Variants in VAV3 observed in about 807,000 individuals in gnomAD.
VAV3 encodes guanine nucleotide exchange factor VAV3.
In VAV3, 94 loss-of-function variants were observed where a neutral mutation model predicts 131.2. That is an observed-to-expected ratio of 0.72 (90% CI 0.61 to 0.85). The LOEUF (loss-of-function observed/expected upper bound fraction) is 0.85, where lower values mean the gene tolerates loss of function less well. Ranked by LOEUF, VAV3 falls within the 40% of genes least tolerant of loss-of-function variation. VAV3 has a pLI of 0.00. For synonymous variants in VAV3, 349 were observed against 342.0 expected, an observed-to-expected ratio of 1.02 and a Z score of -0.22; for missense variants, 939 against 1,002.7, an observed-to-expected ratio of 0.94 and a Z score of 0.86.
intron 11 of VAV3, 109 bp from the exon 12 acceptor site, chr1:107,755,622 T>TG: frequency 5.4e-6 from 4 of 737,890 alleles, no homozygotes; most frequent in Non-Finnish European, 8.8e-6. Context: ...AAGTAACCAC[T>TG]GTAACTTTTC....
At chr1:107,847,467 A>C (rs576880706) in intron 2 of VAV3, among the ~76,000 whole-genome samples, 2 of 152,234 alleles carry the variant, frequency 1.3e-5, no homozygotes, top group Non-Finnish European at 2.9e-5. Context: ...CCCTTCAAAA[A>C]AATCAGTGAA....
intron 15 of VAV3, among the ~76,000 whole-genome samples, chr1:107,708,952 AC>A (rs1308804983): frequency 6.6e-6 from 1 of 150,772 alleles, no homozygotes; most frequent in Non-Finnish European, 1.5e-5. Context: ...ACACACACAT[AC>A]CCCCCCACAC....
chr1:107,705,417 C>T (rs373234437), intron 15 of VAV3, among the ~76,000 whole-genome samples: 179 of 150,848 alleles, frequency 1.2e-3, no homozygotes, highest in African/African-American at 3.8e-3. Flanking sequence ...TCTGTAGCCA[C>T]GCCACTGAAA....
intron 19 of VAV3, among the ~76,000 whole-genome samples, chr1:107,643,618 G>A (rs1655517099): frequency 6.6e-6 from 1 of 152,014 alleles, no homozygotes; most frequent in South Asian, 2.1e-4. Flanking sequence ...TAAGCTTCAG[G>A]ACTTTTTATT....
chr1:107,680,728 C>T (rs759218962), intron 19 of VAV3, among the ~76,000 whole-genome samples: 18 of 152,066 alleles, frequency 1.2e-4, no homozygotes, highest in Non-Finnish European at 1.9e-4. Context: ...TATTAGCTCA[C>T]GTAATGCTCA....
At chr1:107,760,756 A>AT in intron 10 of VAV3, 28 bp downstream of exon 10, 1 of 1,537,740 alleles carries the variant, frequency 6.5e-7, no homozygotes, top group Non-Finnish European at 9.0e-7. Context: ...ATAAATGGAC[A>AT]ATAAATAAAC....
intron 19 of VAV3, among the ~76,000 whole-genome samples, chr1:107,677,416 A>C (rs1202657164): frequency 2.6e-5 from 4 of 152,190 alleles, no homozygotes; most frequent in Non-Finnish European, 5.9e-5. Context: ...CTGGCCCATA[A>C]GAAATTACTG....
chr1:107,618,840 G>A (rs1653359910), intron 20 of VAV3, among the ~76,000 whole-genome samples: 1 of 152,188 alleles, frequency 6.6e-6, no homozygotes, highest in South Asian at 2.1e-4. Context: ...AATATAAAAA[G>A]TAGTTAGGAA....
chr1:107,711,927 C>G (rs928464309), intron 15 of VAV3, among the ~76,000 whole-genome samples: 1 of 152,162 alleles, frequency 6.6e-6, no homozygotes, highest in Non-Finnish European at 1.5e-5. Flanking sequence ...CTCAGGTGAT[C>G]TGCCCACCTC....
At chr1:107,819,418 TC>T (rs1667695985) in intron 2 of VAV3, among the ~76,000 whole-genome samples, 1 of 151,118 alleles carries the variant, frequency 6.6e-6, no homozygotes, top group South Asian at 2.1e-4. Context: ...GAGGCTATAA[TC>T]CCAGCTACTT....
intron 1 of VAV3, among the ~76,000 whole-genome samples, chr1:107,899,439 G>A (rs993494723): frequency 3.9e-5 from 6 of 152,152 alleles, no homozygotes; most frequent in African/African-American, 1.4e-4. Context: ...CTAGCAAAGA[G>A]AAGCAGGAAT....
At chr1:107,617,511 A>C (rs373818191) in intron 21 of VAV3, 56 bp downstream of exon 21, 37 of 1,509,490 alleles carry the variant, frequency 2.5e-5, no homozygotes, top group Non-Finnish European at 3.2e-5. Context: ...TTGCACAATT[A>C]ATCACAGGAT....
intron 20 of VAV3, among the ~76,000 whole-genome samples, chr1:107,625,115 G>A (rs909882900): frequency 1.3e-5 from 2 of 151,806 alleles, no homozygotes; most frequent in Non-Finnish European, 2.9e-5. Context: ...CCAATGTCTC[G>A]GCTACCACCA....
At chr1:107,575,000 TGCGCGCGCGCGCGC>T (rs1219875000) in intron 25 of VAV3, among the ~76,000 whole-genome samples, 5 of 103,858 alleles carry the variant, frequency 4.8e-5, no homozygotes, top group African/African-American at 1.5e-4. Context: ...TGTGCGTGCG[TGCGCGCGCGCGCGC>T]GCACACGCGC....
chr1:107,909,130 T>C (rs562815162), intron 1 of VAV3, among the ~76,000 whole-genome samples: 15 of 152,314 alleles, frequency 9.8e-5, no homozygotes, highest in African/African-American at 3.4e-4. Context: ...TTGCCTTTTA[T>C]TTTAGAAACT....
At chr1:107,653,982 C>T (rs1051850026) in intron 19 of VAV3, among the ~76,000 whole-genome samples, 4 of 152,070 alleles carry the variant, frequency 2.6e-5, no homozygotes, top group Non-Finnish European at 4.4e-5. Context: ...ACCACGAAAA[C>T]ACTACATGCT....
At chr1:107,771,970 A>G (rs1274660164) in intron 5 of VAV3, among the ~76,000 whole-genome samples, 2 of 152,268 alleles carry the variant, frequency 1.3e-5, no homozygotes, top group Non-Finnish European at 2.9e-5. Context: ...GCTACTGGAC[A>G]GCCCATCAGC....
chr1:107,650,822 G>A (rs1656112990), intron 19 of VAV3, among the ~76,000 whole-genome samples: 1 of 148,340 alleles, frequency 6.7e-6, no homozygotes. Flanking sequence ...TTGGTTTTTT[G>A]TCCTGGCGAT....
chr1:107,861,714 C>T lies in VAV3; in HGVS notation c.321+13187G>A, dbSNP rs940273401. On this transcript the variant is annotated intron_variant, in intron 2 of 26. Coordinates refer to ENST00000370056, the MANE Select transcript of VAV3 (RefSeq NM_006113.5). The stretch of plus-strand genomic sequence containing the variant: ...TTGTCTAAGATGAATTATAAATATG[C>T]AGCTACTTTAAAAGACAACTCAAAG... Among the ~76,000 whole-genome samples, 12 of 151,424 alleles carry T rather than the reference C, an allele frequency of 7.9e-5. 1 individual carries two copies. The highest frequency in any genetic ancestry group is 2.9e-4 in the African/African-American group (12 of 41,378).
Sources: allele counts gnomAD v4.1 joint callset (sites outside exome capture counted in the v4.1 genomes callset), GRCh38; gene constraint gnomAD v4.1.1; transcripts MANE v1.5; gene names NCBI Gene and HGNC (gene_info 2026-07-23, HGNC 2026-07-21).